The following AGT variants were observed in gnomAD, a reference collection of about 807,000 sequenced individuals.
AGT encodes the protein angiotensinogen.
In AGT, 26 loss-of-function variants were observed where a neutral mutation model predicts 28.1. The ratio of observed to expected loss-of-function variants is 0.92; its 90% CI spans 0.68 to 1.28. The LOEUF (loss-of-function observed/expected upper bound fraction) is 1.28. AGT is among the 50% of genes most tolerant of loss of function. The pLI, the probability that AGT is intolerant of heterozygous loss-of-function variation, is 0.00. For missense variants in AGT, 596 were observed against 592.3 expected, an observed-to-expected ratio of 1.01 and a Z score of -0.06; for synonymous variants, 259 against 259.6, an observed-to-expected ratio of 1.00 and a Z score of 0.02.
intron 4 of AGT, among the ~76,000 whole-genome samples, chr1:230,703,931 G>A (rs1558285375): frequency 6.6e-6 from 1 of 152,194 alleles, no homozygotes; most frequent in Non-Finnish European, 1.5e-5. Context: ...GGAGGACCCT[G>A]AGGCAAGGCA....
chr1:230,720,742 A>G (rs1663826862), intron 1 of AGT, among the ~76,000 whole-genome samples: 1 of 151,828 alleles, frequency 6.6e-6, no homozygotes. Flanking sequence ...TTTTTTGCAT[A>G]CTCATAAACC....
chr1:230,713,394 C>A (rs1663649377), intron 1 of AGT, among the ~76,000 whole-genome samples: 1 of 152,190 alleles, frequency 6.6e-6, no homozygotes, highest in Non-Finnish European at 1.5e-5. Flanking sequence ...AACTAGGACT[C>A]AGAACCAGGC....
chr1:230,740,876 G>A (rs1196069661), intron 1 of AGT, among the ~76,000 whole-genome samples: 6 of 152,214 alleles, frequency 3.9e-5, no homozygotes, highest in African/African-American at 1.4e-4. Context: ...TTGAACCCGG[G>A]AGGTGGGTTA....
upstream of AGT, among the ~76,000 whole-genome samples, chr1:230,718,967 G>A (rs1305282643): frequency 6.6e-6 from 1 of 152,102 alleles, no homozygotes; most frequent in African/African-American, 2.4e-5. Context: ...GAGCTCAAGT[G>A]ATCTGCCCAC....
intron 1 of AGT, among the ~76,000 whole-genome samples, chr1:230,720,122 G>A (rs2102797594): frequency 6.6e-6 from 1 of 152,226 alleles, no homozygotes; most frequent in South Asian, 2.1e-4. Flanking sequence ...GTTGCCTCAG[G>A]GGTCCCATGA....
intron 1 of AGT, among the ~76,000 whole-genome samples, chr1:230,731,878 TAAC>T (rs957557351): frequency 2.0e-5 from 3 of 151,550 alleles, no homozygotes; most frequent in Non-Finnish European, 2.9e-5. Context: ...AAAAAAATAA[TAAC>T]AACAACAACA....
At chr1:230,719,149 T>G (rs906789168), upstream of AGT, among the ~76,000 whole-genome samples, 1 of 152,178 alleles carries the variant, frequency 6.6e-6, no homozygotes, top group Non-Finnish European at 1.5e-5. Flanking sequence ...TGAATAATGC[T>G]GCATTGAACT....
chr1:230,733,152 G>A (rs573473074), intron 1 of AGT, among the ~76,000 whole-genome samples: 15 of 152,028 alleles, frequency 9.9e-5, no homozygotes, highest in Admixed American at 2.6e-4. Context: ...GCATGGTGGC[G>A]CATGCCTGTA....
At chr1:230,721,478 G>A (rs1189407247) in intron 1 of AGT, among the ~76,000 whole-genome samples, 1 of 152,160 alleles carries the variant, frequency 6.6e-6, no homozygotes, top group East Asian at 1.9e-4. Flanking sequence ...GCAGAGAGTG[G>A]GACACTGCTG....
rs138370655 is a variant in AGT, at chr1:230,738,229, G to A, written c.-31+7286C>T. On this transcript the variant is annotated intron_variant, in intron 1 of 4. Coordinates refer to the AGT transcript ENST00000681269. ...CAGATACCCAGGAGTGAAACTGCTG[G>A]CTCCTACAGTAACTCTATGTCTAGT... Among the ~76,000 whole-genome samples, 25 of 152,296 alleles carry A rather than the reference G, an allele frequency of 1.6e-4. No homozygotes were observed. The East Asian group carries it at 4.6e-3, about 28-fold the overall frequency.
rs771576624 is a variant in AGT at position 230,706,106 on chromosome 1, G to A, written c.924C>T (p.Gly308=). 8.1e-6 allele frequency: 13 copies of A among 1,613,988 alleles called. No homozygotes were observed. The Admixed American group carries it at 8.3e-5, about 10-fold the overall frequency. Residue 308 remains glycine, a synonymous_variant, in exon 3 of 5, where the codon GGC becomes GGT. Coordinates refer to ENST00000366667, the MANE Select transcript of AGT (RefSeq NM_001384479.1). ...SVSVPMLSGM[G]TFQHWSDIQD... ...GGATGTCACTCCAGTGCTGGAAGGT[G>A]CCCATGCCAGAGAGCATGGGAACAG...
At position 230,721,707 on chromosome 1, in the gene AGT, C is replaced by G. The variant is rs536844616; in HGVS notation, c.-30-10854G>C. 7.9e-5 allele frequency among the ~76,000 whole-genome samples: 12 copies of G among 152,300 alleles called. No homozygotes were observed. In the South Asian group the frequency reaches 2.5e-3, roughly 32 times the overall value. On this transcript the variant is annotated intron_variant, in intron 1 of 4. Transcript: ENST00000681269. The stretch of plus-strand genomic sequence containing the variant: ...ATAAGGAACTTATTGGGAACTGGAG[C>G]AAATGTCACTCTTGCTATGCTTTAG...
chr1:230,703,392 G>A (rs1216634100), intron 4 of AGT, 63 bp from the exon 5 acceptor site: 31 of 1,582,816 alleles, frequency 2.0e-5, no homozygotes, highest in South Asian at 2.2e-5. Context: ...GGTGCTGAGG[G>A]CTAGAGGGCC....
At chr1:230,743,641 T>C (rs1664289773) in intron 1 of AGT, among the ~76,000 whole-genome samples, 1 of 152,344 alleles carries the variant, frequency 6.6e-6, no homozygotes, top group East Asian at 1.9e-4. Flanking sequence ...CAGCCCATCA[T>C]AGGGCTGAGA....
Position 230,710,392 on chromosome 1 carries a change from G to A in AGT, c.432C>T (p.His144=), listed in dbSNP as rs1299895823. ...GGATTGCCTGTAGCCTGTCAGCTGT[G>A]TGGTCCAAGGCTCCCAGATAGAGAG... ...LASLYLGALD[H]TADRLQAILG... The change falls in exon 2 of 5, where the codon CAC becomes CAT. Residue 144 remains histidine (H), a synonymous_variant. Transcript: ENST00000366667. The A allele has an allele frequency of 1.2e-6, 2 of 1,614,226 alleles. No homozygotes were observed. Among genetic ancestry groups the A allele is most frequent in the South Asian group, 1.1e-5 (1 of 91,080 alleles).
chr1:230,732,820 G>C (rs1558294805), intron 1 of AGT, among the ~76,000 whole-genome samples: 1 of 152,152 alleles, frequency 6.6e-6, no homozygotes, highest in East Asian at 1.9e-4. Context: ...CTGTCTCAAG[G>C]GTGGCAGAGG....
chr1:230,727,220 C>T (rs939013733), intron 1 of AGT, among the ~76,000 whole-genome samples: 1 of 152,190 alleles, frequency 6.6e-6, no homozygotes, highest in African/African-American at 2.4e-5. Flanking sequence ...AAACACAACT[C>T]CCCTCAGCTT....
In AGT at chr1:230,710,119, C is replaced by G. The variant is rs1663530711; in HGVS notation, c.705G>C (p.Leu235=). ...VLPRSLDFTE[L]DVAAEKIDRF... is the part of the protein sequence containing the mutation. ...TGTCAATCTTCTCAGCAGCAACATC[C>G]AGTTCTGTGAAGTCCAGAGAGCGTG... is the stretch of plus-strand genomic sequence containing the variant. The change falls in exon 2 of 5, where the codon CTG becomes CTC. Residue 235 remains leucine, a synonymous_variant. Coordinates refer to ENST00000366667, the MANE Select transcript of AGT (RefSeq NM_001384479.1). 1.2e-6 allele frequency: 2 copies of G among 1,614,202 alleles called. No homozygotes were observed. The highest frequency in any genetic ancestry group is 1.7e-6 in the Non-Finnish European group (2 of 1,180,038).
intron 1 of AGT, among the ~76,000 whole-genome samples, chr1:230,733,134 T>C (rs1039754065): frequency 4.0e-5 from 6 of 151,606 alleles, no homozygotes; most frequent in South Asian, 4.2e-4. Flanking sequence ...ATACAAAAAA[T>C]TAGCCAGGCA....
Sources: gnomAD v4.1 joint callset for allele counts (sites outside exome capture counted in the v4.1 genomes callset) on GRCh38, gnomAD v4.1.1 for gene constraint, MANE v1.5 for transcripts, NCBI Gene and HGNC (gene_info 2026-07-23, HGNC 2026-07-21) for gene names.